The following CRHBP variants were observed in gnomAD, a reference collection of about 807,000 sequenced individuals.
The protein encoded by CRHBP is corticotropin releasing hormone binding protein.
In CRHBP, 19 loss-of-function variants were observed where a neutral mutation model predicts 34.9. That is an observed-to-expected ratio of 0.55 (90% CI 0.38 to 0.80). The LOEUF is 0.80. CRHBP is among the 30% of genes least tolerant of loss of function. The pLI is 0.00. For synonymous variants in CRHBP, 154 were observed against 153.4 expected (o/e 1.00, Z -0.03); for missense variants, 328 against 409.2 (o/e 0.80, Z 1.71).
chr5:76,975,825 AATATATATAT>A (rs1217039736), intron 2 of CRHBP, among the ~76,000 whole-genome samples: 4 of 61,848 alleles, frequency 6.5e-5, no homozygotes, highest in African/African-American at 3.6e-4. Flanking sequence ...AAAAAAAAAA[AATATATATAT>A]ATATATATAT....
chr5:76,954,866 A>G (rs1306102371), intron 3 of CRHBP, among the ~76,000 whole-genome samples: 1 of 152,222 alleles, frequency 6.6e-6, no homozygotes, highest in South Asian at 2.1e-4. Flanking sequence ...CTACTGTCCA[A>G]TTAAAATAAT....
chr5:76,969,061 C>T lies in CRHBP; in HGVS notation c.*176C>T, dbSNP rs1384062951. 6 of 609,066 alleles carry T rather than the reference C, an allele frequency of 9.9e-6. No homozygotes were observed. Among genetic ancestry groups the T allele is most frequent in the African/African-American group, 9.5e-5 (5 of 52,622 alleles). The allele number at this position is 609,066 out of a possible 1,614,324, so 37.7% of individuals were successfully genotyped here. A position where few individuals can be genotyped will look rare whatever the true frequency, so the allele number is the denominator to read the frequency against. ...CACACGCATTAATTTTTGTACTTTGCTTCTTTTATGTTTGTAATCTGTAAA... is the reference window on the plus strand; with the variant it reads ...CACACGCATTAATTTTTGTACTTTGTTTCTTTTATGTTTGTAATCTGTAAA... On this transcript the variant is annotated 3_prime_UTR_variant, in exon 7 of 7. Coordinates refer to ENST00000274368, the MANE Select transcript of CRHBP (RefSeq NM_001882.4).
intron 5 of CRHBP, chr5:76,959,095 G>GCC: frequency 4.1e-6 from 2 of 490,978 alleles, no homozygotes; most frequent in Non-Finnish European, 7.1e-6. Flanking sequence ...ATACTCAGGT[G>GCC]CCCCTTCTGA....
chr5:76,963,797 T>C (rs1190791288), intron 6 of CRHBP, among the ~76,000 whole-genome samples: 3 of 152,202 alleles, frequency 2.0e-5, no homozygotes, highest in Non-Finnish European at 4.4e-5. Flanking sequence ...ACACTTATGG[T>C]TCAAATAGTA....
rs1580092589 is a variant in CRHBP at position 76,959,134 on chromosome 5, G to T, written c.693+245G>T. On this transcript the variant is annotated intron_variant, in intron 5 of 6. Coordinates refer to ENST00000274368, the MANE Select transcript of CRHBP (RefSeq NM_001882.4). ...CTTGAATACTTTCCCTGTGATGTAAGAAGTGTTTTCAATTGGTAAAGTTGT... is the reference window on the plus strand; with the variant it reads ...CTTGAATACTTTCCCTGTGATGTAATAAGTGTTTTCAATTGGTAAAGTTGT... 7.7e-6 allele frequency: 3 copies of T among 388,090 alleles called. No homozygotes were observed. In the East Asian group the frequency reaches 1.3e-4, roughly 16 times the overall value. The allele number at this position is 388,090 out of a possible 1,614,324, so 24.0% of individuals were successfully genotyped here. A position where few individuals can be genotyped will look rare whatever the true frequency, so the allele number is the denominator to read the frequency against.
chr5:76,953,882 C>G, intron 2 of CRHBP, 147 bp from the exon 3 acceptor site: 1 of 1,189,552 alleles, frequency 8.4e-7, no homozygotes, highest in Non-Finnish European at 1.1e-6. Context: ...GCGCCCGGGG[C>G]GCAGGAACCC....
intron 2 of CRHBP, among the ~76,000 whole-genome samples, chr5:76,975,282 C>A (rs1213079323): frequency 6.6e-6 from 1 of 152,120 alleles, no homozygotes. Flanking sequence ...AAATGCCCAC[C>A]CTTACAACCC....
intron 5 of CRHBP, among the ~76,000 whole-genome samples, chr5:76,959,638 G>C (rs1443182532): frequency 6.6e-6 from 1 of 152,188 alleles, no homozygotes; most frequent in Non-Finnish European, 1.5e-5. Context: ...TAATCAGACA[G>C]ATTTTAGTGA....
rs147365557 is a variant in CRHBP, at chr5:76,954,080, G to T, written c.227G>T (p.Arg76Leu). 38 of 1,613,916 alleles carry T rather than the reference G, an allele frequency of 2.4e-5. No individual in the cohort carries two copies. The African/African-American group carries it at 4.7e-4, about 20-fold the overall frequency. The change falls in exon 3 of 7, where the codon CGG becomes CTG. Residue 76 changes from arginine (R) to leucine (L), a missense_variant. By Grantham distance (102) the Arg-to-Leu change is moderately radical (BLOSUM62 -2). This residue lies in a region of CRHBP where 173 missense variants were observed against 172.2 expected (regional missense o/e 1.00). Coordinates refer to ENST00000274368, the MANE Select transcript of CRHBP (RefSeq NM_001882.4). ...GGCCAGTTCACCTTCACCGCCGACC[G>T]GCCGCAGCTGCACTGCGCAGCCTTC... ...LQGQFTFTAD[R>L]PQLHCAAFFI...
intron 2 of CRHBP, among the ~76,000 whole-genome samples, chr5:76,975,046 A>G (rs936778181): frequency 5.9e-5 from 9 of 152,240 alleles, no homozygotes; most frequent in Non-Finnish European, 1.0e-4. Flanking sequence ...TGAGCTAGAA[A>G]TAACCATGCT....
At chr5:76,953,975 G>T in intron 2 of CRHBP, 54 bp from the exon 3 acceptor site, 3 of 1,549,914 alleles carry the variant, frequency 1.9e-6, no homozygotes, top group South Asian at 1.2e-5. Context: ...GCCCGAGGAC[G>T]GCGCTGCGGC....
downstream of CRHBP, among the ~76,000 whole-genome samples, chr5:76,970,819 C>T (rs969706419): frequency 3.3e-5 from 5 of 152,204 alleles, no homozygotes; most frequent in African/African-American, 1.2e-4. Context: ...AGGGATTTTG[C>T]AAGCTGATTA....
chr5:76,961,113 T>G (rs1355539976), intron 5 of CRHBP, among the ~76,000 whole-genome samples: 1 of 152,192 alleles, frequency 6.6e-6, no homozygotes, highest in Non-Finnish European at 1.5e-5. Context: ...AAGATAGTAG[T>G]GGCTTAGAAC....
intron 6 of CRHBP, among the ~76,000 whole-genome samples, chr5:76,968,192 GTGTTTTTTTT>G (rs1314793750): frequency 0.018 from 2,541 of 145,172 alleles, 62 homozygotes; most frequent in African/African-American, 0.061. Flanking sequence ...TGATAAACAG[GTGTTTTTTTT>G]TGTTTTTTTT....
At chr5:76,956,889 A>T (rs1745679843) in intron 4 of CRHBP, among the ~76,000 whole-genome samples, 1 of 152,240 alleles carries the variant, frequency 6.6e-6, no homozygotes, top group Non-Finnish European at 1.5e-5. Flanking sequence ...TTTATCTGCC[A>T]AAGAATAATG....
chr5:76,954,652 G>A (rs539879880), intron 3 of CRHBP, among the ~76,000 whole-genome samples: 1 of 152,160 alleles, frequency 6.6e-6, no homozygotes, highest in Non-Finnish European at 1.5e-5. Flanking sequence ...GTCCACGCTC[G>A]GCAGAGCCGT....
chr5:76,966,782 T>C (rs192624927), intron 6 of CRHBP, among the ~76,000 whole-genome samples: 69 of 152,306 alleles, frequency 4.5e-4, no homozygotes, highest in African/African-American at 1.5e-3. Context: ...GAGCCCCTCC[T>C]GAGTTGTTCA....
intron 3 of CRHBP, 109 bp from the exon 4 acceptor site, chr5:76,955,544 C>A: frequency 1.1e-6 from 1 of 907,670 alleles, no homozygotes; most frequent in Non-Finnish European, 1.7e-6. Context: ...TCGATTCTCA[C>A]TTATGACTGA....
At chr5:76,966,358 G>A (rs567879004) in intron 6 of CRHBP, among the ~76,000 whole-genome samples, 1 of 152,236 alleles carries the variant, frequency 6.6e-6, no homozygotes, top group South Asian at 2.1e-4. Context: ...GAAGGATTTG[G>A]TTTGTGGGTA....
Sources: gnomAD v4.1 joint callset for allele counts (sites outside exome capture counted in the v4.1 genomes callset) on GRCh38, gnomAD v4.1.1 for gene constraint, gnomAD v4.1.1 regional missense constraint, MANE v1.5 for transcripts, NCBI Gene and HGNC (gene_info 2026-07-23, HGNC 2026-07-21) for gene names.